CNGA1: variants seen among roughly 807,000 people sequenced by gnomAD.
CNGA1 encodes the protein cyclic nucleotide-gated channel alpha-1.
In CNGA1, 53 loss-of-function variants were observed where a neutral mutation model predicts 69.7. The ratio of observed to expected loss-of-function variants is 0.76; its 90% CI spans 0.61 to 0.96. The LOEUF is 0.96. Ranked by LOEUF, CNGA1 falls within the 40% of genes least tolerant of loss-of-function variation. CNGA1 has a pLI of 0.00. For missense variants in CNGA1, 739 were observed against 811.2 expected, an observed-to-expected ratio of 0.91 and a Z score of 1.08; for synonymous variants, 249 against 283.5, an observed-to-expected ratio of 0.88 and a Z score of 1.22.
intron 5 of CNGA1, among the ~76,000 whole-genome samples, chr4:47,950,723 C>G (rs1353079110): frequency 6.6e-6 from 1 of 152,156 alleles, no homozygotes; most frequent in Non-Finnish European, 1.5e-5. Flanking sequence ...AGCTCCAACA[C>G]CAATACCACA....
At chr4:48,003,374 C>T (rs1714749582) in intron 2 of CNGA1, among the ~76,000 whole-genome samples, 1 of 152,114 alleles carries the variant, frequency 6.6e-6, no homozygotes, top group East Asian at 1.9e-4. Context: ...GCAGTTTGGC[C>T]CTAAGCAGTT....
At chr4:48,008,410 C>T (rs1375251936) in intron 2 of CNGA1, among the ~76,000 whole-genome samples, 1 of 152,090 alleles carries the variant, frequency 6.6e-6, no homozygotes, top group East Asian at 1.9e-4. Context: ...CTCTTATTTC[C>T]TGGCTCCTCT....
intron 1 of CNGA1, 33 bp downstream of exon 1, chr4:48,016,450 G>A: frequency 3.8e-6 from 1 of 260,180 alleles, no homozygotes. Context: ...GGGCCTCAGT[G>A]CAGCCTCCAC....
At chr4:48,005,344 C>T (rs1410593600) in intron 2 of CNGA1, among the ~76,000 whole-genome samples, 4 of 152,022 alleles carry the variant, frequency 2.6e-5, no homozygotes, top group South Asian at 2.1e-4. Flanking sequence ...TCTCGAACTC[C>T]TGAACTCATG....
At chr4:48,004,978 G>C (rs1283940299) in intron 2 of CNGA1, among the ~76,000 whole-genome samples, 4 of 152,100 alleles carry the variant, frequency 2.6e-5, no homozygotes, top group African/African-American at 4.8e-5. Context: ...AATAATAAAA[G>C]TTGAAAAACA....
chr4:47,983,538 C>T (rs1003737930), intron 2 of CNGA1, among the ~76,000 whole-genome samples: 1 of 151,402 alleles, frequency 6.6e-6, no homozygotes, highest in African/African-American at 2.4e-5. Context: ...TGCAGTGAGC[C>T]GAGATCACAC....
chr4:47,966,687 G>A, intron 3 of CNGA1, among the ~76,000 whole-genome samples: 1 of 152,120 alleles, frequency 6.6e-6, no homozygotes, highest in Non-Finnish European at 1.5e-5. Context: ...GCTGTTAACT[G>A]CTTGATATTT....
At chr4:47,965,060 T>C (rs1004265927) in intron 3 of CNGA1, among the ~76,000 whole-genome samples, 13 of 152,202 alleles carry the variant, frequency 8.5e-5, no homozygotes, top group Non-Finnish European at 1.9e-4. Flanking sequence ...TTAAGAAGCA[T>C]TTAGTTTTAA....
At chr4:47,940,400 G>A (rs1161575378) in intron 10 of CNGA1, among the ~76,000 whole-genome samples, 1 of 152,172 alleles carries the variant, frequency 6.6e-6, no homozygotes, top group Non-Finnish European at 1.5e-5. Flanking sequence ...TGGCTCTGCT[G>A]AGGACAATGA....
At position 47,937,132 on chromosome 4, in the gene CNGA1, T is replaced by C. The variant is rs779480944; in HGVS notation, c.1350A>G (p.Leu450=). 6.2e-7 allele frequency: 1 copy of C among 1,614,088 alleles called. No homozygotes were observed. Among genetic ancestry groups the C allele is most frequent in the Non-Finnish European group, 8.5e-7 (1 of 1,180,040 alleles). Reference sequence around the variant, plus strand: ...CTCTTAGTTTATCAGGTAGATACTTTAAGACTTCTTTCTCATCAACTGTTT... The same window carrying C: ...CTCTTAGTTTATCAGGTAGATACTTCAAGACTTCTTTCTCATCAACTGTTT... ...NKKTVDEKEV[L]KYLPDKLRAE... is the part of the protein sequence containing the mutation. Residue 450 remains leucine, a synonymous_variant, in exon 11 of 11, where the codon TTA becomes TTG. Coordinates refer to ENST00000514170, the MANE Select transcript of CNGA1 (RefSeq NM_001379270.1).
chr4:47,938,463 G>A (rs914194494), intron 10 of CNGA1, among the ~76,000 whole-genome samples: 6 of 150,704 alleles, frequency 4.0e-5, no homozygotes, highest in South Asian at 2.1e-4. Context: ...GTGCAATCTC[G>A]TCTTGCTGCA....
At chr4:47,956,485 CA>C (rs1740095936) in intron 3 of CNGA1, among the ~76,000 whole-genome samples, 1 of 152,194 alleles carries the variant, frequency 6.6e-6, no homozygotes, top group Admixed American at 6.5e-5. Flanking sequence ...CTAATTCTGG[CA>C]TATTGTTCTG....
At chr4:47,962,210 G>A (rs982156844) in intron 3 of CNGA1, among the ~76,000 whole-genome samples, 14 of 151,966 alleles carry the variant, frequency 9.2e-5, no homozygotes, top group African/African-American at 3.4e-4. Context: ...TGGGTGTGGT[G>A]GTGTGTGCCT....
At chr4:47,941,405 A>G (rs1391673672) in intron 9 of CNGA1, among the ~76,000 whole-genome samples, 1 of 152,218 alleles carries the variant, frequency 6.6e-6, no homozygotes, top group African/African-American at 2.4e-5. Flanking sequence ...CGTATTGACT[A>G]TCTGTACCCA....
intron 10 of CNGA1, among the ~76,000 whole-genome samples, chr4:47,939,785 GGTT>G (rs1184275947): frequency 1.3e-5 from 2 of 152,124 alleles, no homozygotes; most frequent in African/African-American, 4.8e-5. Context: ...ACATACAATG[GGTT>G]GTTGTTTTTT....
intron 2 of CNGA1, among the ~76,000 whole-genome samples, chr4:47,999,190 G>T (rs900092669): frequency 6.6e-6 from 1 of 152,114 alleles, no homozygotes; most frequent in African/African-American, 2.4e-5. Flanking sequence ...TTATTATCAG[G>T]TGTTAATCTC....
chr4:47,990,601 G>C (rs1742215264), intron 2 of CNGA1, among the ~76,000 whole-genome samples: 1 of 151,976 alleles, frequency 6.6e-6, no homozygotes, highest in South Asian at 2.1e-4. Context: ...TGTAATCCTT[G>C]TGACCTACTC....
At chr4:48,008,076 C>A (rs1714997431) in intron 2 of CNGA1, among the ~76,000 whole-genome samples, 2 of 152,056 alleles carry the variant, frequency 1.3e-5, no homozygotes, top group Admixed American at 6.5e-5. Context: ...CTAATCAATT[C>A]TTTACTATAT....
At position 47,943,269 on chromosome 4, in the gene CNGA1, C is replaced by T. The variant is rs539600817; in HGVS notation, c.349G>A (p.Glu117Lys). 3.0e-4 allele frequency: 346 copies of T among 1,158,036 alleles called. 1 individual carries two copies. The highest frequency in any genetic ancestry group is 8.1e-5 in the Non-Finnish European group (67 of 827,272). 71.7% of individuals were successfully genotyped at this position (1,158,036 alleles called of 1,614,324 possible). A position where few individuals can be genotyped will look rare whatever the true frequency, so the allele number is the denominator to read the frequency against. The change falls in exon 8 of 11, where the codon GAA becomes AAA. Residue 117 changes from glutamate to lysine, a missense_variant. By Grantham distance (56) the Glu-to-Lys change is moderately conservative (BLOSUM62 1). Coordinates refer to ENST00000514170, the MANE Select transcript of CNGA1 (RefSeq NM_001379270.1). Reference protein sequence around the residue: ...EKKSKSDDKNENKNDPEKKKK... With the variant: ...EKKSKSDDKNKNKNDPEKKKK... ...TTCTTCTCTGGGTCGTTTTTATTTT[C>T]GTTTTTATCATCTGACTTGCTGAAA...
Sources: gnomAD v4.1 joint callset for allele counts (sites outside exome capture counted in the v4.1 genomes callset) on GRCh38, gnomAD v4.1.1 for gene constraint, MANE v1.5 for transcripts, NCBI Gene and HGNC (gene_info 2026-07-23, HGNC 2026-07-21) for gene names.